The following FADS2 variants were observed in gnomAD, a reference collection of about 807,000 sequenced individuals.
The protein encoded by FADS2 is acyl-CoA 6-desaturase.
In FADS2, 18 loss-of-function variants were observed where a neutral mutation model predicts 61.2. The observed-to-expected ratio is 0.29, with a 90% CI of 0.20 to 0.44. The LOEUF is 0.44. Ranked by LOEUF, FADS2 falls within the 20% of genes least tolerant of loss-of-function variation. The pLI, the probability that FADS2 is intolerant of heterozygous loss-of-function variation, is 1.00. For missense variants in FADS2, 322 were observed against 572.7 expected, an observed-to-expected ratio of 0.56 and a Z score of 4.47; for synonymous variants, 203 against 223.9, an observed-to-expected ratio of 0.91 and a Z score of 0.83.
At chr11:61,835,249 A>G (rs1806740604) in intron 1 of FADS2, among the ~76,000 whole-genome samples, 2 of 152,124 alleles carry the variant, frequency 1.3e-5, no homozygotes, top group South Asian at 4.1e-4. Context: ...TCTAGACACA[A>G]ATAGAACAAA....
At chr11:61,826,394 C>G, upstream of FADS2, 2 of 702,388 alleles carry the variant, frequency 2.8e-6, no homozygotes, top group Non-Finnish European at 5.2e-6. Context: ...CCTTTTAGGG[C>G]CTGAACCTTC....
At chr11:61,825,809 C>T (rs2067080173), upstream of FADS2, among the ~76,000 whole-genome samples, 3 of 147,210 alleles carry the variant, frequency 2.0e-5, no homozygotes, top group Non-Finnish European at 1.5e-5. Context: ...AGGAGAATGG[C>T]GTGAACCTGG....
Position 61,865,247 on chromosome 11 carries a change from C to T in FADS2, c.1253C>T (p.Pro418Leu). 3 of 1,613,722 alleles carry T rather than the reference C, an allele frequency of 1.9e-6. No individual in the cohort carries two copies. The highest frequency in any genetic ancestry group is 1.7e-6 in the Non-Finnish European group (2 of 1,180,014). ...CATGGCATTGAATACCAGGAGAAGCCGCTACTGAGGGCCCTGCTGGACATC... is the reference window on the plus strand; with the variant it reads ...CATGGCATTGAATACCAGGAGAAGCTGCTACTGAGGGCCCTGCTGGACATC... The part of the protein sequence containing the change: ...AKHGIEYQEK[P>L]LLRALLDIIR... The change falls in exon 11 of 12, where the codon CCG becomes CTG. Residue 418 changes from proline to leucine, a missense_variant. Physicochemically the swap from Pro to Leu is moderately conservative, Grantham distance 98 (BLOSUM62 -3). Coordinates refer to ENST00000278840, the MANE Select transcript of FADS2 (RefSeq NM_004265.4). This position sits in a 1 kb window ranked among gnomAD's most constrained non-coding sequence, Gnocchi z 4.1.
chr11:61,840,724 AG>A lies in FADS2; in HGVS notation c.618+1del. 1 of 1,610,870 alleles carries A rather than the reference AG, an allele frequency of 6.2e-7. No individual in the cohort carries two copies. ...LVHKFVIGHL[K>X]GASANWWNHR... ...CACAAATTCGTCATTGGCCACTTAA[AG>A]GTAAGTGTCAGCAGCCCTGGGCATC... On this transcript the variant is annotated frameshift_variant and splice_region_variant, in exon 4 of 12. Coordinates refer to ENST00000278840, the MANE Select transcript of FADS2 (RefSeq NM_004265.4). LOFTEE classifies it high-confidence loss of function.
In FADS2 at chr11:61,828,367, G is replaced by T; in HGVS notation, c.-24G>T. On this transcript the variant is annotated 5_prime_UTR_variant, in exon 1 of 12. Coordinates refer to ENST00000278840, the MANE Select transcript of FADS2 (RefSeq NM_004265.4). This position sits in a 1 kb window ranked among gnomAD's most constrained non-coding sequence, Gnocchi z 6.4. ...CCGGCGCGGGGAGGCCGCAGTGCACGGGGCGTCACAGTCGGCAGGCAGCAT... is the reference window on the plus strand; with the variant it reads ...CCGGCGCGGGGAGGCCGCAGTGCACTGGGCGTCACAGTCGGCAGGCAGCAT... 9 of 1,550,264 alleles carry T rather than the reference G, an allele frequency of 5.8e-6. No individual in the cohort carries two copies. Among genetic ancestry groups the T allele is most frequent in the South Asian group, 1.2e-5 (1 of 83,992 alleles).
chr11:61,834,426 A>G (rs2067153418), intron 1 of FADS2, among the ~76,000 whole-genome samples: 1 of 152,192 alleles, frequency 6.6e-6, no homozygotes, highest in South Asian at 2.1e-4. Context: ...TTGAGGCCTA[A>G]GGGAGTAACA....
At chr11:61,863,184 C>G in intron 8 of FADS2, 98 bp from the exon 9 acceptor site, 1 of 1,439,676 alleles carries the variant, frequency 6.9e-7, no homozygotes, top group African/African-American at 1.4e-5. Flanking sequence ...ATCCTGGCCC[C>G]TTGGCAGGGG....
At chr11:61,825,284 C>T (rs1468983833), upstream of FADS2, among the ~76,000 whole-genome samples, 3 of 152,004 alleles carry the variant, frequency 2.0e-5, no homozygotes, top group African/African-American at 7.2e-5. Flanking sequence ...TCACCCCTGC[C>T]CCTGTACCTC....
chr11:61,823,277 T>C lies in FADS2; in HGVS notation c.141+6851T>C, dbSNP rs146528594. ...AGAATGTACCAAGGAAGGGAGGCAA[T>C]GTGGTAGAATGGAAAGAATAAGGAT... On this transcript the variant is annotated intron_variant, in intron 1 of 11. Transcript: ENST00000257261. 3.9e-5 allele frequency among the ~76,000 whole-genome samples: 6 copies of C among 152,276 alleles called. No individual in the cohort carries two copies. In the East Asian group the frequency reaches 1.2e-3, roughly 29 times the overall value.
chr11:61,848,298 G>A lies in FADS2; in HGVS notation c.744+14G>A, dbSNP rs558325682. 2.5e-6 allele frequency: 4 copies of A among 1,611,528 alleles called. No individual in the cohort carries two copies. The highest frequency in any genetic ancestry group is 3.3e-5 in the Admixed American group (2 of 59,842). ...CAGCCCATCGAGGTACGACTAAGAG[G>A]ATGGTGTTGACCTAGGAAGTGTTTG... On this transcript the variant is annotated intron_variant, in intron 5 of 11. Coordinates refer to ENST00000278840, the MANE Select transcript of FADS2 (RefSeq NM_004265.4).
rs2067429631 is a variant in FADS2 at position 61,862,832 on chromosome 11, G to T, written c.883-140G>T. 5.8e-6 allele frequency: 4 copies of T among 689,220 alleles called. No individual in the cohort carries two copies. The South Asian group carries it at 6.8e-5, about 12-fold the overall frequency. 42.7% of individuals were successfully genotyped at this position (689,220 alleles called of 1,614,324 possible). The stretch of plus-strand genomic sequence containing the variant: ...CAAACCCCGAGCAAGCAGGTGGCGT[G>T]TAGTTGCCCATTGCATTTCAGTGGG... On this transcript the variant is annotated intron_variant, in intron 7 of 11. Coordinates refer to ENST00000278840, the MANE Select transcript of FADS2 (RefSeq NM_004265.4).
At chr11:61,859,689 C>T (rs2067396448) in intron 7 of FADS2, among the ~76,000 whole-genome samples, 1 of 148,606 alleles carries the variant, frequency 6.7e-6, no homozygotes. Flanking sequence ...CCCGTTCTAA[C>T]TCATAAGTGG....
chr11:61,834,986 CCCA>C (rs138766446), intron 1 of FADS2, among the ~76,000 whole-genome samples: 12,980 of 135,870 alleles, frequency 0.096, 1,629 homozygotes, highest in East Asian at 0.41. Flanking sequence ...TGCCTGCCCC[CCCA>C]CCCCAGCCCT....
rs370808090 is a variant in FADS2 at position 61,857,447 on chromosome 11, C to T, written c.806-7C>T. The T allele has an allele frequency of 3.6e-5, 58 of 1,613,450 alleles. No homozygotes were observed. The highest frequency in any genetic ancestry group is 6.7e-5 in the African/African-American group (5 of 74,924). ...GATGCCTCTAAGCGCCTGTCTCTCT[C>T]CTGCAGTTGGGCCGCCGCTGCTCAT... On this transcript the variant is annotated splice_region_variant and splice_polypyrimidine_tract_variant and intron_variant, in intron 6 of 11. Coordinates refer to ENST00000278840, the MANE Select transcript of FADS2 (RefSeq NM_004265.4).
intron 7 of FADS2, among the ~76,000 whole-genome samples, chr11:61,859,704 T>C (rs972181692): frequency 7.3e-6 from 1 of 137,268 alleles, no homozygotes; most frequent in Admixed American, 7.0e-5. Context: ...AAGTGGCCTA[T>C]TGCCGGGCGC....
intron 2 of FADS2, among the ~76,000 whole-genome samples, chr11:61,839,534 G>A (rs942289711): frequency 6.6e-6 from 1 of 152,072 alleles, no homozygotes; most frequent in Non-Finnish European, 1.5e-5. Flanking sequence ...TGTTGGCCAG[G>A]CTGGTCTCGA....
chr11:61,856,896 G>A, intron 5 of FADS2, 115 bp from the exon 6 acceptor site: 3 of 875,076 alleles, frequency 3.4e-6, no homozygotes, highest in Non-Finnish European at 5.8e-6. Flanking sequence ...ACAGGAAAGG[G>A]ACAGTGGTGT....
At chr11:61,858,228 A>G (rs1052190638) in intron 7 of FADS2, among the ~76,000 whole-genome samples, 1 of 145,462 alleles carries the variant, frequency 6.9e-6, no homozygotes, top group East Asian at 2.1e-4. Context: ...CATAGGCTGG[A>G]GTGCAGTGGT....
rs765178751 is a variant in FADS2, at chr11:61,865,145, T to C, written c.1158-7T>C. 3 of 1,612,446 alleles carry C rather than the reference T, an allele frequency of 1.9e-6. No individual in the cohort carries two copies. The highest frequency in any genetic ancestry group is 3.3e-5 in the Admixed American group (2 of 59,994). On this transcript the variant is annotated splice_polypyrimidine_tract_variant and splice_region_variant and intron_variant, in intron 10 of 11. Transcript: ENST00000278840. The surrounding 1 kb of genome is among the most constrained non-coding windows in gnomAD (Gnocchi z 4.1). ...CTCACGCTCTGCCCACCCTACACAC[T>C]CCTCAGCCTCTTCCCCACCATGCCC... is the stretch of plus-strand genomic sequence containing the variant.
Sources: allele counts gnomAD v4.1 joint callset (sites outside exome capture counted in the v4.1 genomes callset), GRCh38; gene constraint gnomAD v4.1.1; non-coding constraint Gnocchi (gnomAD v3.1); transcripts MANE v1.5; gene names NCBI Gene and HGNC (gene_info 2026-07-23, HGNC 2026-07-21).